The following ACYP2 variants were observed in gnomAD, a reference collection of about 807,000 sequenced individuals.
The protein encoded by ACYP2 is acylphosphatase 2, also known as acylphosphatase-2.
ACYP2 carries 12 observed loss-of-function variants against 11.2 expected under a neutral mutation model. That is an observed-to-expected ratio of 1.08 (90% CI 0.69 to 1.74). ACYP2 has a LOEUF of 1.74. Among genes scored for constraint, ACYP2 ranks in the 40% most tolerant of loss-of-function variants. The pLI, the probability that ACYP2 is intolerant of heterozygous loss-of-function variation, is 0.00. For missense variants in ACYP2, 134 were observed against 101.9 expected, an observed-to-expected ratio of 1.31 and a Z score of -1.35; for synonymous variants, 43 against 32.2, an observed-to-expected ratio of 1.33 and a Z score of -1.13.
chr2:54,125,909 G>C (rs1680465391), intron 4 of ACYP2, among the ~76,000 whole-genome samples: 2 of 151,080 alleles, frequency 1.3e-5, no homozygotes, highest in Admixed American at 1.3e-4. Flanking sequence ...GGAGAAACCT[G>C]GTTTCTACTA....
chr2:54,226,231 G>C (rs1222868222), intron 6 of ACYP2, among the ~76,000 whole-genome samples: 1 of 151,906 alleles, frequency 6.6e-6, no homozygotes, highest in Non-Finnish European at 1.5e-5. Context: ...ATTCAAAATT[G>C]AAAACAAAAA....
intron 6 of ACYP2, among the ~76,000 whole-genome samples, chr2:54,221,089 T>C (rs1685780551): frequency 6.6e-6 from 1 of 152,166 alleles, no homozygotes; most frequent in Non-Finnish European, 1.5e-5. Flanking sequence ...TCATTTGTTA[T>C]GAGAAGAGCT....
chr2:54,052,058 A>AAATAAATAAATAAATAAATT lies in ACYP2; in HGVS notation c.155+1027_155+1028insTAATAAATAAATAAATAAAT, dbSNP rs1270882643. 4.0e-5 allele frequency among the ~76,000 whole-genome samples: 6 copies of AAATAAATAAATAAATAAATT among 150,882 alleles called. No homozygotes were observed. In the South Asian group the frequency reaches 6.3e-4, roughly 16 times the overall value. On this transcript the variant is annotated intron_variant, in intron 3 of 6. Coordinates refer to ENST00000607452, the MANE Select transcript of ACYP2 (RefSeq NM_001320586.2). ...CAAGACTCTGTCTCAATAAATAAATAAATAAATAAATAAATAAATAAATAG... is the reference window on the plus strand; with the variant it reads ...CAAGACTCTGTCTCAATAAATAAATAAATAAATAAATAAATAAATTAATAAATAAATAAATAAATAAATAG...
chr2:54,210,348 TATTGTTTATTAC>T (rs948310693), intron 6 of ACYP2, among the ~76,000 whole-genome samples: 3 of 152,164 alleles, frequency 2.0e-5, no homozygotes, highest in Non-Finnish European at 4.4e-5. Flanking sequence ...ACATTACTTA[TATTGTTTATTAC>T]ATTACTTAAT....
chr2:54,264,682 A>G (rs547598615), intron 6 of ACYP2, among the ~76,000 whole-genome samples: 2 of 152,348 alleles, frequency 1.3e-5, no homozygotes, highest in African/African-American at 4.8e-5. Context: ...AGAAATCTTA[A>G]TGCCCTTTCA....
In ACYP2 at chr2:54,042,923, C is replaced by A. The variant is rs116290432; in HGVS notation, c.63-8035C>A. On this transcript the variant is annotated intron_variant, in intron 2 of 6. Coordinates refer to ENST00000607452, the MANE Select transcript of ACYP2 (RefSeq NM_001320586.2). ...ACATCAGCACACCCACCATTTCCAC[C>A]TCCCTATAATTTAAATATAGCACAA... 3.9e-3 allele frequency among the ~76,000 whole-genome samples: 598 copies of A among 152,352 alleles called. 2 individuals carry two copies. Among genetic ancestry groups the A allele is most frequent in the Admixed American group, 7.3e-3 (112 of 15,300 alleles).
chr2:54,272,497 G>A (rs756622672), intron 6 of ACYP2, among the ~76,000 whole-genome samples: 1 of 152,192 alleles, frequency 6.6e-6, no homozygotes, highest in Non-Finnish European at 1.5e-5. Context: ...GGTAGTCTAT[G>A]TTCTTGTTTT....
intron 1 of ACYP2, among the ~76,000 whole-genome samples, chr2:53,972,038 A>G (rs564614467): frequency 1.3e-5 from 2 of 152,208 alleles, no homozygotes; most frequent in Non-Finnish European, 2.9e-5. Flanking sequence ...GGCCGGGCGC[A>G]GTGGCTCACG....
At chr2:54,050,333 A>T (rs999362172) in intron 2 of ACYP2, among the ~76,000 whole-genome samples, 2 of 152,048 alleles carry the variant, frequency 1.3e-5, no homozygotes, top group African/African-American at 4.8e-5. Context: ...GGATCATGTG[A>T]GGCCAGGAGT....
chr2:54,273,421 T>TAA (rs1316127908), intron 6 of ACYP2, among the ~76,000 whole-genome samples: 2 of 152,224 alleles, frequency 1.3e-5, no homozygotes, highest in Non-Finnish European at 2.9e-5. Context: ...TTATGGTTTT[T>TAA]AAACTTAAAA....
At chr2:54,013,441 G>C (rs6545380) in intron 2 of ACYP2, among the ~76,000 whole-genome samples, 68,950 of 151,310 alleles carry the variant, frequency 0.46, 15,888 homozygotes, top group South Asian at 0.55. Context: ...GCTGGGATTA[G>C]AGGCATGCAC....
intron 6 of ACYP2, among the ~76,000 whole-genome samples, chr2:54,237,387 T>G (rs1056786096): frequency 1.3e-5 from 2 of 152,248 alleles, no homozygotes; most frequent in African/African-American, 2.4e-5. Flanking sequence ...TCTTTATGCC[T>G]TCCTGCATCT....
rs994413654 is a variant in ACYP2 at position 53,991,690 on chromosome 2, C to G, written c.62+17880C>G. Among the ~76,000 whole-genome samples, 3 of 152,266 alleles carry G rather than the reference C, an allele frequency of 2.0e-5. No homozygotes were observed. In the East Asian group the frequency reaches 5.8e-4, roughly 29 times the overall value. ...AAAGTGTTGGGGTTACAGGTGTGAG[C>G]CACTGTGCCTGGCCGTATTTCATCT... On this transcript the variant is annotated intron_variant, in intron 2 of 6. Transcript: ENST00000607452.
At chr2:54,060,183 T>G (rs1676387816) in intron 4 of ACYP2, among the ~76,000 whole-genome samples, 1 of 152,222 alleles carries the variant, frequency 6.6e-6, no homozygotes, top group South Asian at 2.1e-4. Flanking sequence ...CTCTGTTTTC[T>G]TTTTCTGAAA....
intron 6 of ACYP2, chr2:54,253,886 A>G (rs998966497): frequency 6.6e-6 from 1 of 152,248 alleles, no homozygotes; most frequent in Admixed American, 6.5e-5. Context: ...GGACATGACA[A>G]AGAGAGCCAA....
At chr2:54,034,180 A>G (rs1159429777) in intron 2 of ACYP2, among the ~76,000 whole-genome samples, 1 of 152,154 alleles carries the variant, frequency 6.6e-6, no homozygotes. Context: ...CAACATGGTG[A>G]AACCCTGTCT....
intron 2 of ACYP2, among the ~76,000 whole-genome samples, chr2:54,033,023 A>G (rs879314924): frequency 3.3e-5 from 5 of 152,270 alleles, no homozygotes; most frequent in Admixed American, 3.3e-4. Context: ...TTGTATGTAC[A>G]GTGTTGGGTA....
At chr2:54,196,678 G>A (rs1684494893) in intron 6 of ACYP2, among the ~76,000 whole-genome samples, 1 of 152,172 alleles carries the variant, frequency 6.6e-6, no homozygotes, top group Non-Finnish European at 1.5e-5. Context: ...ATGTTTAGCA[G>A]CTTCTCTGGC....
At chr2:54,290,065 T>A (rs1689233459) in intron 6 of ACYP2, among the ~76,000 whole-genome samples, 1 of 152,088 alleles carries the variant, frequency 6.6e-6, no homozygotes, top group Non-Finnish European at 1.5e-5. Flanking sequence ...ATTCTTTTAA[T>A]TCAATTGTGC....
Sources: allele counts gnomAD v4.1 joint callset (sites outside exome capture counted in the v4.1 genomes callset), GRCh38; gene constraint gnomAD v4.1.1; transcripts MANE v1.5; gene names NCBI Gene and HGNC (gene_info 2026-07-23, HGNC 2026-07-21).